The following PRKAR1B variants were observed in gnomAD, a reference collection of about 807,000 sequenced individuals.
The protein encoded by PRKAR1B is cAMP-dependent protein kinase type I-beta regulatory subunit.
A neutral mutation model predicts 46.5 loss-of-function variants in PRKAR1B; 22 were observed. The observed-to-expected ratio is 0.47, with a 90% confidence interval of 0.34 to 0.68. The LOEUF is 0.68. Ranked by LOEUF, PRKAR1B falls within the 30% of genes least tolerant of loss-of-function variation. The probability of loss-of-function intolerance (pLI) is 0.01; values close to 1 mark genes in which losing one functional copy is unlikely to be tolerated. For missense variants in PRKAR1B, 445 were observed against 535.6 expected, an observed-to-expected ratio of 0.83 and a Z score of 1.67; for synonymous variants, 259 against 217.7, an observed-to-expected ratio of 1.19 and a Z score of -1.67.
intron 4 of PRKAR1B, among the ~76,000 whole-genome samples, chr7:616,325 G>A (rs1782822395): frequency 6.6e-6 from 1 of 152,218 alleles, no homozygotes; most frequent in Non-Finnish European, 1.5e-5. Flanking sequence ...CGCAGATGGG[G>A]GACCTTCCTT....
Position 680,645 on chromosome 7 carries a change from G to T in PRKAR1B, c.259C>A (p.Pro87Thr), listed in dbSNP as rs199799634. ...CGGCGGGCCTTCACCACAGGGTTCG[G>T]GGGGGTGGGCGACACCTCCTCATCA... is the stretch of plus-strand genomic sequence containing the variant. ...SHDEEVSPTPPNPVVKARRRR... is the reference protein window; with the variant it reads ...SHDEEVSPTPTNPVVKARRRR... The change falls in exon 3 of 11, where the codon CCG becomes ACG. Residue 87 changes from proline (P) to threonine (T), a missense_variant. By Grantham distance (38) the Pro-to-Thr change is conservative. This residue lies in a region of PRKAR1B where 155 missense variants were observed against 127.5 expected (regional missense o/e 1.22). Coordinates refer to ENST00000537384, the MANE Select transcript of PRKAR1B (RefSeq NM_001164760.2). The T allele has an allele frequency of 6.2e-6, 10 of 1,613,426 alleles. No homozygotes were observed. In the Admixed American group the frequency reaches 1.2e-4, roughly 19 times the overall value.
At chr7:636,578 C>T (rs1442386379) in intron 4 of PRKAR1B, among the ~76,000 whole-genome samples, 1 of 152,230 alleles carries the variant, frequency 6.6e-6, no homozygotes, top group African/African-American at 2.4e-5. Context: ...CAGAATGGTC[C>T]TTTCTGACAG....
rs148755226 is a variant in PRKAR1B at position 656,555 on chromosome 7, AATGG to A, written c.440+20670_440+20673del. ...GGGGGAATTAATGGATGAGTGAGGGAATGGATGGATGGATGGATGGATGAATGAA... is the reference window on the plus strand; with the variant it reads ...GGGGGAATTAATGGATGAGTGAGGGAATGGATGGATGGATGGATGAATGAA... On this transcript the variant is annotated intron_variant, in intron 4 of 10. Coordinates refer to ENST00000537384, the MANE Select transcript of PRKAR1B (RefSeq NM_001164760.2). Among the ~76,000 whole-genome samples the A allele has an allele frequency of 6.4e-3, 978 of 151,768 alleles. 11 individuals carry two copies. The highest frequency in any genetic ancestry group is 0.022 in the African/African-American group (891 of 41,356).
intron 8 of PRKAR1B, among the ~76,000 whole-genome samples, chr7:580,915 C>G (rs1032365654): frequency 2.6e-5 from 4 of 152,294 alleles, no homozygotes; most frequent in African/African-American, 9.6e-5. Context: ...AAGGAAAATG[C>G]TTCCCACGAA....
intron 1 of PRKAR1B, among the ~76,000 whole-genome samples, chr7:715,994 C>T (rs533121631): frequency 1.3e-5 from 2 of 151,966 alleles, no homozygotes; most frequent in Non-Finnish European, 2.9e-5. Flanking sequence ...GGATTACAGG[C>T]GTGAGCCACC....
In PRKAR1B at chr7:684,666, C is replaced by T. The variant is rs145588639; in HGVS notation, c.178-3940G>A. Among the ~76,000 whole-genome samples the T allele has an allele frequency of 1.5e-3, 229 of 152,278 alleles. 5 individuals are homozygous for T. The East Asian group carries it at 0.037, about 25-fold the overall frequency. On this transcript the variant is annotated intron_variant, in intron 2 of 10. Transcript: ENST00000537384. ...ATCCAGACCCAGGACCACAGGAGCT[C>T]GGAAGCCTGGGAGCCAGGCAGCCCC...
intron 9 of PRKAR1B, among the ~76,000 whole-genome samples, chr7:571,269 C>G (rs1303253641): frequency 6.6e-6 from 1 of 152,220 alleles, no homozygotes; most frequent in Non-Finnish European, 1.5e-5. Context: ...AGCCAGGAGC[C>G]TCGCGGTACA....
At chr7:615,392 G>A (rs535163246) in intron 4 of PRKAR1B, among the ~76,000 whole-genome samples, 6 of 143,416 alleles carry the variant, frequency 4.2e-5, no homozygotes, top group Admixed American at 1.4e-4. Context: ...GCCACTGCAC[G>A]CCAGCCTGGG....
In PRKAR1B at chr7:560,180, C is replaced by T. The variant is rs939971082; in HGVS notation, c.892-8710G>A. On this transcript the variant is annotated intron_variant, in intron 9 of 10. Coordinates refer to ENST00000537384, the MANE Select transcript of PRKAR1B (RefSeq NM_001164760.2). The surrounding 1 kb of genome is among the most constrained non-coding windows in gnomAD (Gnocchi z 4.2). ...TGACGGTTTTATAAGGGGCTTTCCC[C>T]GCTTTGTTCAGCTTTCATTCTCTTT... Among the ~76,000 whole-genome samples the T allele has an allele frequency of 3.9e-5, 6 of 152,004 alleles. No homozygotes were observed. The highest frequency in any genetic ancestry group is 7.4e-5 in the Non-Finnish European group (5 of 67,990).
At chr7:664,150 C>G (rs1385125010) in intron 4 of PRKAR1B, among the ~76,000 whole-genome samples, 1 of 152,212 alleles carries the variant, frequency 6.6e-6, no homozygotes, top group African/African-American at 2.4e-5. Context: ...TCCACAGACC[C>G]CCATCCCCAG....
At chr7:578,825 G>T in intron 9 of PRKAR1B, 1 of 272,720 alleles carries the variant, frequency 3.7e-6, no homozygotes. Context: ...GGGATTACAG[G>T]CATGTGCCAC....
At chr7:675,688 CT>C (rs1261906226) in intron 4 of PRKAR1B, among the ~76,000 whole-genome samples, 1 of 152,184 alleles carries the variant, frequency 6.6e-6, no homozygotes, top group Non-Finnish European at 1.5e-5. Flanking sequence ...TGGCTCACGC[CT>C]GTAATCCCAG....
chr7:656,795 G>A (rs1381725063), intron 4 of PRKAR1B, among the ~76,000 whole-genome samples: 1 of 152,206 alleles, frequency 6.6e-6, no homozygotes, highest in East Asian at 1.9e-4. Context: ...ATGGATGCAT[G>A]AGTGAATGTG....
chr7:628,009 G>A (rs558272476), intron 4 of PRKAR1B, among the ~76,000 whole-genome samples: 15 of 151,854 alleles, frequency 9.9e-5, no homozygotes, highest in Non-Finnish European at 1.5e-4. Flanking sequence ...AACACAGGCC[G>A]AGGCCTCATC....
At chr7:690,016 C>T (rs1006350228) in intron 2 of PRKAR1B, among the ~76,000 whole-genome samples, 1 of 151,002 alleles carries the variant, frequency 6.6e-6, no homozygotes, top group Non-Finnish European at 1.5e-5. Flanking sequence ...GGGAGGGAGG[C>T]CAGGCACGGT....
chr7:628,975 C>T (rs980137805), intron 4 of PRKAR1B, among the ~76,000 whole-genome samples: 3 of 152,206 alleles, frequency 2.0e-5, no homozygotes, highest in Admixed American at 6.5e-5. Flanking sequence ...GTGCTTGCAA[C>T]GTCCTGTGAG....
At chr7:634,871 C>G (rs956655778) in intron 4 of PRKAR1B, among the ~76,000 whole-genome samples, 1 of 151,928 alleles carries the variant, frequency 6.6e-6, no homozygotes, top group Non-Finnish European at 1.5e-5. Context: ...AACTCCTGAC[C>G]TCAAGCGATC....
intron 9 of PRKAR1B, among the ~76,000 whole-genome samples, chr7:578,301 C>T (rs191244621): frequency 4.6e-5 from 7 of 152,336 alleles, no homozygotes; most frequent in Admixed American, 2.6e-4. Flanking sequence ...AGTCTGCGTG[C>T]GGCCACCACG....
chr7:567,605 C>T (rs1459536638), intron 9 of PRKAR1B, among the ~76,000 whole-genome samples: 1 of 152,160 alleles, frequency 6.6e-6, no homozygotes, highest in Non-Finnish European at 1.5e-5. Context: ...GTGGTGGCAG[C>T]AGCAGCAGTA....
Sources: gnomAD v4.1 joint callset for allele counts (sites outside exome capture counted in the v4.1 genomes callset) on GRCh38, gnomAD v4.1.1 for gene constraint, gnomAD v4.1.1 regional missense constraint, Gnocchi (gnomAD v3.1) non-coding constraint, MANE v1.5 for transcripts, NCBI Gene and HGNC (gene_info 2026-07-23, HGNC 2026-07-21) for gene names.